SLC36A1: variants seen among roughly 807,000 people sequenced by gnomAD.
SLC36A1 encodes the protein proton-coupled amino acid transporter 1.
Under a neutral mutation model 47.5 loss-of-function variants are expected in SLC36A1, and 30 were observed. The observed-to-expected ratio is 0.63, with a 90% CI of 0.47 to 0.86. SLC36A1 has a LOEUF of 0.86. SLC36A1 is among the 40% of genes least tolerant of loss of function. The pLI is 0.00. For synonymous variants in SLC36A1, 255 were observed against 249.7 expected (o/e 1.02, Z -0.20); for missense variants, 517 against 606.0 (o/e 0.85, Z 1.54).
At chr5:151,505,469 C>A in the SLC36A1 span, 7 of 1,472,164 alleles carry the variant, frequency 4.8e-6, no homozygotes, top group Non-Finnish European at 6.5e-6. Context: ...CCCTCCCACT[C>A]TCCCAGCCAC....
At chr5:151,515,679 T>G in the SLC36A1 span, among the ~76,000 whole-genome samples, 1 of 152,210 alleles carries the variant, frequency 6.6e-6, no homozygotes, top group African/African-American at 2.4e-5. Flanking sequence ...GGCTTTGCCT[T>G]CAAAATCTTT....
chr5:151,543,990 G>T, the SLC36A1 span: 7 of 1,614,084 alleles, frequency 4.3e-6, no homozygotes, highest in Non-Finnish European at 5.9e-6. Context: ...GAGGTTGTCT[G>T]AACTCTGGGG....
At chr5:151,511,970 T>C in the SLC36A1 span, 1 of 595,118 alleles carries the variant, frequency 1.7e-6, no homozygotes, top group Non-Finnish European at 3.0e-6. Context: ...AAGATAGTTT[T>C]TGTTGAGAGG....
chr5:151,455,784 A>G (rs1047710273), intron 1 of SLC36A1, among the ~76,000 whole-genome samples: 6 of 152,216 alleles, frequency 3.9e-5, no homozygotes, highest in African/African-American at 1.2e-4. Flanking sequence ...CTTTGTTACC[A>G]CAGATTCTTA....
intron 10 of SLC36A1, among the ~76,000 whole-genome samples, chr5:151,481,959 C>T (rs908965101): frequency 1.3e-5 from 2 of 152,146 alleles, no homozygotes; most frequent in Non-Finnish European, 1.5e-5. Context: ...GGAGCAATAA[C>T]CCATCCATCC....
At chr5:151,371,046 G>A in the SLC36A1 span, among the ~76,000 whole-genome samples, 2 of 152,046 alleles carry the variant, frequency 1.3e-5, no homozygotes, top group Admixed American at 1.3e-4. Context: ...TCTGTGCATT[G>A]TAGAACGTTT....
the SLC36A1 span, among the ~76,000 whole-genome samples, chr5:151,529,022 T>C: frequency 6.6e-6 from 1 of 152,206 alleles, no homozygotes; most frequent in Non-Finnish European, 1.5e-5. Flanking sequence ...TTGGCCATAC[T>C]CAAATCTCAC....
the SLC36A1 span, chr5:151,554,808 T>C: frequency 2.8e-6 from 2 of 715,644 alleles, no homozygotes; most frequent in South Asian, 1.9e-5. Context: ...CTTCACCTAC[T>C]TGGAACTCAG....
chr5:151,549,239 C>T, the SLC36A1 span: 95 of 1,540,424 alleles, frequency 6.2e-5, no homozygotes, highest in African/African-American at 1.0e-3. Flanking sequence ...CTAGTGCTTT[C>T]CTTTATTTCT....
chr5:151,380,971 A>T, the SLC36A1 span: 1 of 396,650 alleles, frequency 2.5e-6, no homozygotes, highest in South Asian at 2.0e-5. Flanking sequence ...GACAGGCCAG[A>T]TCCCTCCAAC....
the SLC36A1 span, chr5:151,537,792 CCT>C: frequency 6.2e-7 from 1 of 1,608,534 alleles, no homozygotes; most frequent in Non-Finnish European, 8.5e-7. Flanking sequence ...AGGAAACCCA[CCT>C]GTATGAGGAT....
chr5:151,495,930 C>G (rs1760325557), downstream of SLC36A1, among the ~76,000 whole-genome samples: 1 of 152,080 alleles, frequency 6.6e-6, no homozygotes, highest in Admixed American at 6.5e-5. Flanking sequence ...AAGAAATGTG[C>G]AGTTTCCGGA....
intron 6 of SLC36A1, among the ~76,000 whole-genome samples, 196 bp downstream of exon 6, chr5:151,467,479 A>G (rs1393507955): frequency 1.3e-5 from 2 of 152,146 alleles, no homozygotes; most frequent in African/African-American, 2.4e-5. Flanking sequence ...AAACCGCCAC[A>G]TGTCTTGTCG....
the SLC36A1 span, chr5:151,381,896 G>C: frequency 7.0e-6 from 2 of 285,468 alleles, no homozygotes. Context: ...AGCTTTGTGT[G>C]AATTACTCTT....
At chr5:151,428,737 A>G in the SLC36A1 span, among the ~76,000 whole-genome samples, 2 of 152,034 alleles carry the variant, frequency 1.3e-5, no homozygotes, top group Non-Finnish European at 2.9e-5. Context: ...GGTTTGAGCA[A>G]TTCTCCTGCC....
the SLC36A1 span, among the ~76,000 whole-genome samples, chr5:151,503,801 G>A: frequency 6.6e-6 from 1 of 152,074 alleles, no homozygotes. Context: ...CTAGTTAGTG[G>A]ACTCATCACT....
downstream of SLC36A1, among the ~76,000 whole-genome samples, chr5:151,493,362 G>C (rs1189105816): frequency 6.6e-6 from 1 of 152,148 alleles, no homozygotes; most frequent in Non-Finnish European, 1.5e-5. Context: ...CACAGGACGA[G>C]GGCTCAGTCC....
the SLC36A1 span, among the ~76,000 whole-genome samples, chr5:151,376,184 T>A: frequency 6.6e-6 from 1 of 152,194 alleles, no homozygotes; most frequent in African/African-American, 2.4e-5. Flanking sequence ...GCCTATTCTG[T>A]TGAGGGTTTT....
At chr5:151,351,417 A>G in the SLC36A1 span, among the ~76,000 whole-genome samples, 2 of 151,948 alleles carry the variant, frequency 1.3e-5, no homozygotes, top group African/African-American at 4.8e-5. Flanking sequence ...AGAACCCCTA[A>G]GTGGCCTAAT....
Sources: allele counts gnomAD v4.1 joint callset (sites outside exome capture counted in the v4.1 genomes callset), GRCh38; gene constraint gnomAD v4.1.1; transcripts MANE v1.5; gene names NCBI Gene and HGNC (gene_info 2026-07-23, HGNC 2026-07-21).